Variants in LAMA5 observed in about 807,000 individuals in gnomAD.
The protein encoded by LAMA5 is laminin subunit alpha-5.
LAMA5 carries 260 observed loss-of-function variants against 433.4 expected under a neutral mutation model. The observed-to-expected ratio is 0.60, with a 90% CI of 0.54 to 0.66. The LOEUF (loss-of-function observed/expected upper bound fraction) is 0.66, where lower values mean the gene tolerates loss of function less well. Among genes scored for constraint, LAMA5 ranks in the 30% least tolerant of loss-of-function variants. LAMA5 has a pLI of 0.00. For missense variants in LAMA5, 5,378 were observed against 5,258.5 expected, an observed-to-expected ratio of 1.02 and a Z score of -0.70; for synonymous variants, 2,620 against 2,226.6, an observed-to-expected ratio of 1.18 and a Z score of -4.97.
At chr20:62,310,349 C>A in intron 76 of LAMA5, 38 bp from the exon 77 acceptor site, 1 of 1,573,068 alleles carries the variant, frequency 6.4e-7, no homozygotes, top group Non-Finnish European at 8.6e-7. Context: ...AAAGGGGGGG[C>A]CCCTCCCCAG....
At chr20:62,362,745 G>A (rs1481121531) in intron 1 of LAMA5, among the ~76,000 whole-genome samples, 193 bp from the exon 2 acceptor site, 1 of 152,156 alleles carries the variant, frequency 6.6e-6, no homozygotes, top group Non-Finnish European at 1.5e-5. Flanking sequence ...AGGGGATGTG[G>A]CTCATGTGAG....
rs1207793580 is a variant in LAMA5, at chr20:62,312,976, C to A, written c.8990G>T (p.Ser2997Ile). Residue 2997 changes from serine (S) to isoleucine (I), a missense_variant, in exon 66 of 80, where the codon AGC (serine) becomes ATC (isoleucine). Transcript: ENST00000252999. ...QFLCLAVQEGSLVLLYDFGAG... is the reference protein window; with the variant it reads ...QFLCLAVQEGILVLLYDFGAG... ...CCCAAAGTCATACAACAGCACGAGG[C>A]TGCCTTCTTGCACGGCCAAGCACAG... 6.3e-6 allele frequency: 10 copies of A among 1,581,612 alleles called. No individual in the cohort carries two copies. Among genetic ancestry groups the A allele is most frequent in the Non-Finnish European group, 8.6e-6 (10 of 1,161,716 alleles).
At chr20:62,336,590 G>C (rs1423760221) in intron 17 of LAMA5, 144 bp downstream of exon 17, 2 of 1,170,860 alleles carry the variant, frequency 1.7e-6, no homozygotes, top group Non-Finnish European at 2.5e-6. Context: ...TGGGGGCAGA[G>C]GACCAGCCTA....
chr20:62,321,569 C>G (rs1279042573), intron 48 of LAMA5, among the ~76,000 whole-genome samples: 1 of 10,802 alleles, frequency 9.3e-5, no homozygotes, highest in Non-Finnish European at 2.1e-4. Context: ...CCAGTGGAGG[C>G]AGGGCCTGTG....
chr20:62,340,184 C>G (rs1358624424), intron 11 of LAMA5, among the ~76,000 whole-genome samples: 5 of 151,738 alleles, frequency 3.3e-5, no homozygotes, highest in African/African-American at 1.2e-4. Context: ...ATTTGGCAAA[C>G]CAGAGTCAGA....
chr20:62,354,964 C>T (rs905051055), intron 2 of LAMA5, among the ~76,000 whole-genome samples: 5 of 152,200 alleles, frequency 3.3e-5, no homozygotes, highest in Admixed American at 6.5e-5. Flanking sequence ...GCCCGGGTGC[C>T]GGGGGAGAGA....
At position 62,338,114 on chromosome 20, in the gene LAMA5, C is replaced by G; in HGVS notation, c.1793G>C (p.Gly598Ala). 2 of 1,597,202 alleles carry G rather than the reference C, an allele frequency of 1.3e-6. No individual in the cohort carries two copies. The highest frequency in any genetic ancestry group is 8.5e-7 in the Non-Finnish European group (1 of 1,171,090). Residue 598 changes from glycine (G) to alanine (A), a missense_variant, in exon 14 of 80, where the codon GGC (glycine) becomes GCC (alanine). Transcript: ENST00000252999. The part of the protein sequence containing the change: ...GCSPAGTLPE[G>A]CDEAGRCLCQ... ...TAGGCAGCGGCCGGCCTCATCGCAG[C>G]CCTCGGGCAAGGTTCCTGCAGGGCT...
In LAMA5 at chr20:62,310,023, G is replaced by T; in HGVS notation, c.10793C>A (p.Ser3598Ter). Reference sequence around the variant, plus strand: ...GTGCCACTGGCCATCACACAGCACTGAGGGGCGGGTCACTGACGTGGAGAA... The same window carrying T: ...GTGCCACTGGCCATCACACAGCACTTAGGGGCGGGTCACTGACGTGGAGAA... ...GEFSTSVTRPSVLCDGQWHRL... is the reference protein window; with the variant it reads ...GEFSTSVTRP The change falls in exon 78 of 80, where the codon TCA (serine) becomes TAA (stop). Residue 3598 changes from serine (S) to a stop codon, truncating the protein, a stop_gained. Transcript: ENST00000252999. LOFTEE classifies it high-confidence loss of function. 6.2e-7 allele frequency: 1 copy of T among 1,611,460 alleles called. No homozygotes were observed.
chr20:62,336,394 G>A lies in LAMA5; in HGVS notation c.2269C>T (p.Arg757Cys), dbSNP rs200146466. 6.9e-5 allele frequency: 111 copies of A among 1,612,578 alleles called. No individual in the cohort carries two copies. Among genetic ancestry groups the A allele is most frequent in the Middle Eastern group, 1.7e-4 (1 of 6,058 alleles). The change falls in exon 18 of 80, where the codon CGC becomes TGC. Residue 757 changes from arginine to cysteine, a missense_variant. Transcript: ENST00000252999. Reference protein sequence around the residue: ...RAHVEGPSCDRCKPGFWGLSP... With the variant: ...RAHVEGPSCDCCKPGFWGLSP... ...AGTCCCCAGAACCCAGGTTTGCAGC[G>A]GTCACAGCTCGGCCCCTCCACGTGA... is the stretch of plus-strand genomic sequence containing the variant.
At position 62,337,636 on chromosome 20, in the gene LAMA5, C is replaced by A; in HGVS notation, c.2118G>T (p.Arg706=). The A allele has an allele frequency of 6.2e-7, 1 of 1,612,178 alleles. No homozygotes were observed. Among genetic ancestry groups the A allele is most frequent in the Non-Finnish European group, 8.5e-7 (1 of 1,179,724 alleles). The part of the protein sequence containing the change: ...CSCRPRVTGL[R]CDTCVPGAYN... ...AGGCACCGGGCACACATGTGTCACA[C>A]CGCAGCCCCGTCACACGGGGCCGGC... The change falls in exon 16 of 80, where the codon CGG becomes CGT. Residue 706 remains arginine (R), a synonymous_variant. Transcript: ENST00000252999.
chr20:62,326,905 A>G lies in LAMA5; in HGVS notation c.5174T>C (p.Val1725Ala), dbSNP rs140678341. The G allele has an allele frequency of 2.7e-5, 43 of 1,612,194 alleles. No homozygotes were observed. Among genetic ancestry groups the G allele is most frequent in the Non-Finnish European group, 3.6e-5 (42 of 1,179,462 alleles). The stretch of plus-strand genomic sequence containing the variant: ...CGGCCTGCTCTCCATGGGGACAAAG[A>G]CATCTCCCCGCTGGGTCTCTGAGTG... ...ELHSETQRGDVFVPMESRPDV... is the reference protein window; with the variant it reads ...ELHSETQRGDAFVPMESRPDV... The change falls in exon 39 of 80, where the codon GTC (valine) becomes GCC (alanine). Residue 1725 changes from valine to alanine, a missense_variant. Coordinates refer to ENST00000252999, the MANE Select transcript of LAMA5 (RefSeq NM_005560.6).
intron 12 of LAMA5, 43 bp from the exon 13 acceptor site, chr20:62,338,412 G>T: frequency 6.2e-7 from 1 of 1,607,968 alleles, no homozygotes; most frequent in South Asian, 1.1e-5. Flanking sequence ...GAGGCACCAG[G>T]CCTCAGGTGT....
chr20:62,333,858 T>A (rs1981010514), intron 23 of LAMA5, 43 bp downstream of exon 23: 5 of 1,409,160 alleles, frequency 3.5e-6, no homozygotes, highest in African/African-American at 2.2e-5. Flanking sequence ...TGGGGTGGGC[T>A]GGGCTGGTGG....
chr20:62,310,450 G>A lies in LAMA5; in HGVS notation c.10569C>T (p.Phe3523=). 1 of 1,603,114 alleles carries A rather than the reference G, an allele frequency of 6.2e-7. No homozygotes were observed. The highest frequency in any genetic ancestry group is 8.5e-7 in the Non-Finnish European group (1 of 1,176,092). Residue 3523 remains phenylalanine (F), a synonymous_variant, in exon 76 of 80, where the codon TTC becomes TTT. Coordinates refer to ENST00000252999, the MANE Select transcript of LAMA5 (RefSeq NM_005560.6). ...TGATAACTCCCCCGCTGCCTGGGAA[G>A]AACAGGCCCGCCTCCAGGGGGCCCA... ...CILGPLEAGL[F]FPGSGGVITL... is the part of the protein sequence containing the mutation.
intron 31 of LAMA5, 38 bp downstream of exon 31, chr20:62,330,450 G>A (rs1205983387): frequency 1.3e-6 from 2 of 1,494,204 alleles, no homozygotes; most frequent in Non-Finnish European, 1.8e-6. Flanking sequence ...GCCTCATCGT[G>A]TGTGGTAGCC....
chr20:62,346,533 G>GGT lies in LAMA5; in HGVS notation c.1253_1254dup (p.Pro419ThrfsTer26). On this transcript the variant is annotated frameshift_variant, in exon 9 of 80. Transcript: ENST00000252999. LOFTEE classifies it high-confidence loss of function. ...CGGCAGACGTGGGGCGAGTCGAGAGGGTGGTTGGGAGAGCGGTAGAAGCCG... is the reference window on the plus strand; with the variant it reads ...CGGCAGACGTGGGGCGAGTCGAGAGGGTGTGGTTGGGAGAGCGGTAGAAGCCG... 6.4e-7 allele frequency: 1 copy of GGT among 1,554,482 alleles called. No homozygotes were observed. The highest frequency in any genetic ancestry group is 8.7e-7 in the Non-Finnish European group (1 of 1,148,884).
Position 62,326,682 on chromosome 20 carries a change from C to CCAGCTG in LAMA5, c.5287_5292dup (p.Gln1763_Leu1764dup). 5.6e-6 allele frequency: 9 copies of CCAGCTG among 1,612,086 alleles called. No individual in the cohort carries two copies. The highest frequency in any genetic ancestry group is 7.6e-6 in the Non-Finnish European group (9 of 1,179,428). ...CCCAAGCCAGCTCCCCTCACCTCCA[C>CCAGCTG]CAGCTGCAGCTGCCCACGGTGAACG... On this transcript the variant is annotated inframe_insertion, in exon 40 of 80. Transcript: ENST00000252999.
chr20:62,314,395 G>A lies in LAMA5; in HGVS notation c.8413C>T (p.His2805Tyr), dbSNP rs1986701425. 3.1e-6 allele frequency: 5 copies of A among 1,613,348 alleles called. No homozygotes were observed. The South Asian group carries it at 3.3e-5, about 11-fold the overall frequency. ...MGVSLRDKKVHWVYQLGEAGP... is the reference protein window; with the variant it reads ...MGVSLRDKKVYWVYQLGEAGP... Reference sequence around the variant, plus strand: ...GCCTCACCCAGCTGATACACCCAGTGCACCTTCTTGTCACGCAGAGACACA... The same window carrying A: ...GCCTCACCCAGCTGATACACCCAGTACACCTTCTTGTCACGCAGAGACACA... Residue 2805 changes from histidine to tyrosine, a missense_variant, in exon 62 of 80, where the codon CAC becomes TAC. Physicochemically the swap from His to Tyr is moderately conservative, Grantham distance 83 (BLOSUM62 2). Transcript: ENST00000252999.
In LAMA5 at chr20:62,313,429, C is replaced by T. The variant is rs1019295417; in HGVS notation, c.8690G>A (p.Arg2897Gln). 3.7e-6 allele frequency: 6 copies of T among 1,610,396 alleles called. No individual in the cohort carries two copies. Among genetic ancestry groups the T allele is most frequent in the Admixed American group, 1.7e-5 (1 of 59,766 alleles). Reference sequence around the variant, plus strand: ...CAGCGTGTCCATCTCGATGCAGCCCCGGTAGCCGGGGAAGCGAAGCAGGGG... The same window carrying T: ...CAGCGTGTCCATCTCGATGCAGCCCTGGTAGCCGGGGAAGCGAAGCAGGGG... ...PPPLLRFPGY[R>Q]GCIEMDTLNE... The change falls in exon 64 of 80, where the codon CGG (arginine) becomes CAG (glutamine). Residue 2897 changes from arginine (R) to glutamine (Q), a missense_variant. Coordinates refer to ENST00000252999, the MANE Select transcript of LAMA5 (RefSeq NM_005560.6).
Sources: allele counts gnomAD v4.1 joint callset (sites outside exome capture counted in the v4.1 genomes callset), GRCh38; gene constraint gnomAD v4.1.1; transcripts MANE v1.5; gene names NCBI Gene and HGNC (gene_info 2026-07-23, HGNC 2026-07-21).